LSAMP: variants seen among roughly 807,000 people sequenced by gnomAD.
LSAMP encodes the protein limbic system associated membrane protein, also known as limbic system-associated membrane protein.
A neutral mutation model predicts 38.6 loss-of-function variants in LSAMP; 7 were observed. The observed-to-expected ratio is 0.18, with a 90% confidence interval of 0.10 to 0.34. The LOEUF (loss-of-function observed/expected upper bound fraction) is 0.34. Ranked by LOEUF, LSAMP falls within the 10% of genes least tolerant of loss-of-function variation. LSAMP has a pLI of 1.00. For missense variants in LSAMP, 313 were observed against 420.0 expected (o/e 0.75, Z 2.23); for synonymous variants, 154 against 166.8 (o/e 0.92, Z 0.59).
At position 116,192,370 on chromosome 3, in the gene LSAMP, T is replaced by G. The variant is rs79287685; in HGVS notation, c.156-105814A>C. Among the ~76,000 whole-genome samples the G allele has an allele frequency of 5.2e-3, 790 of 152,352 alleles. 8 individuals carry two copies. Among genetic ancestry groups the G allele is most frequent in the African/African-American group, 0.018 (731 of 41,578 alleles). On this transcript the variant is annotated intron_variant, in intron 1 of 6. Coordinates refer to ENST00000490035, the MANE Select transcript of LSAMP (RefSeq NM_002338.5). ...ACCAGTTCTAAATCCTAGAGCTCCA[T>G]CTACTTCTTATTCTTTAATCACTTG...
intron 2 of LSAMP, among the ~76,000 whole-genome samples, chr3:116,048,930 G>A (rs1941341928): frequency 6.6e-6 from 1 of 152,088 alleles, no homozygotes; most frequent in Non-Finnish European, 1.5e-5. Context: ...AAAATAAAGA[G>A]GGCCAAGGAC....
chr3:115,968,177 G>A (rs769803526), intron 3 of LSAMP, among the ~76,000 whole-genome samples: 2 of 152,012 alleles, frequency 1.3e-5, no homozygotes, highest in Non-Finnish European at 2.9e-5. Flanking sequence ...AGCCTGCTTG[G>A]TGCTCTACTG....
chr3:116,030,248 A>C (rs1940888930), intron 2 of LSAMP, among the ~76,000 whole-genome samples: 1 of 152,168 alleles, frequency 6.6e-6, no homozygotes, highest in African/African-American at 2.4e-5. Context: ...TTATCCAGAC[A>C]CCAGCAAGTG....
At chr3:116,426,814 C>G (rs1167798064) in intron 1 of LSAMP, among the ~76,000 whole-genome samples, 3 of 151,320 alleles carry the variant, frequency 2.0e-5, no homozygotes, top group Admixed American at 6.6e-5. Context: ...TGAGGTTATA[C>G]GTAATGGTAA....
At chr3:116,156,834 T>C (rs1709761048) in intron 1 of LSAMP, among the ~76,000 whole-genome samples, 1 of 152,122 alleles carries the variant, frequency 6.6e-6, no homozygotes, top group Non-Finnish European at 1.5e-5. Flanking sequence ...TTGGTTGTCT[T>C]AAGTAGAAAA....
chr3:116,375,819 G>A (rs189885085), intron 1 of LSAMP, among the ~76,000 whole-genome samples: 1 of 151,972 alleles, frequency 6.6e-6, no homozygotes, highest in African/African-American at 2.4e-5. Flanking sequence ...TCTCTTTAGT[G>A]TTTTTAAGAT....
At position 115,972,892 on chromosome 3, in the gene LSAMP, T is replaced by C. The variant is rs114411388; in HGVS notation, c.514+46623A>G. On this transcript the variant is annotated intron_variant, in intron 3 of 6. Transcript: ENST00000490035. ...TTATTTTTATATATTATATATTATG[T>C]ATTATTTTGAATTATATATTATTAA... Among the ~76,000 whole-genome samples, 553 of 149,136 alleles carry C rather than the reference T, an allele frequency of 3.7e-3. 5 individuals are homozygous for C. The highest frequency in any genetic ancestry group is 0.013 in the African/African-American group (529 of 41,058).
intron 1 of LSAMP, among the ~76,000 whole-genome samples, chr3:116,103,850 G>C (rs1219402170): frequency 1.3e-5 from 2 of 151,616 alleles, no homozygotes; most frequent in South Asian, 4.2e-4. Flanking sequence ...AAATCCTACG[G>C]GTATTCAATA....
intron 1 of LSAMP, among the ~76,000 whole-genome samples, chr3:116,422,658 A>T (rs1435953920): frequency 6.6e-6 from 1 of 152,208 alleles, no homozygotes; most frequent in East Asian, 1.9e-4. Flanking sequence ...CTAAAACTAG[A>T]TTGTGATGAT....
intron 1 of LSAMP, among the ~76,000 whole-genome samples, chr3:116,129,036 T>C (rs1410820094): frequency 6.6e-6 from 1 of 152,330 alleles, no homozygotes; most frequent in East Asian, 1.9e-4. Flanking sequence ...GGTGGATTCA[T>C]AGATGTGCAT....
intron 1 of LSAMP, among the ~76,000 whole-genome samples, chr3:116,400,095 C>G (rs572494464): frequency 6.6e-6 from 1 of 152,304 alleles, no homozygotes; most frequent in Non-Finnish European, 1.5e-5. Flanking sequence ...ATACTTTCTA[C>G]AAATCTAAAA....
intron 3 of LSAMP, among the ~76,000 whole-genome samples, chr3:115,896,790 T>G (rs1358025146): frequency 6.6e-6 from 1 of 152,154 alleles, no homozygotes; most frequent in Non-Finnish European, 1.5e-5. Flanking sequence ...CACATTGTTA[T>G]CCTCAGTGAA....
chr3:116,420,695 AC>A (rs2049110206), intron 1 of LSAMP, among the ~76,000 whole-genome samples: 1 of 151,162 alleles, frequency 6.6e-6, no homozygotes, highest in Non-Finnish European at 1.5e-5. Flanking sequence ...ACATGGTGAA[AC>A]CCCATCTCTA....
At chr3:116,173,535 T>C (rs570765792) in intron 1 of LSAMP, among the ~76,000 whole-genome samples, 8 of 152,044 alleles carry the variant, frequency 5.3e-5, no homozygotes, top group Non-Finnish European at 1.2e-4. Flanking sequence ...CTGTTACCAC[T>C]TTCTTTATAG....
At chr3:116,156,351 G>A (rs1177493373) in intron 1 of LSAMP, among the ~76,000 whole-genome samples, 1 of 152,076 alleles carries the variant, frequency 6.6e-6, no homozygotes, top group East Asian at 1.9e-4. Context: ...TCTAATTTGG[G>A]GTGGGGTCAG....
At chr3:116,108,549 G>A (rs1396212352) in intron 1 of LSAMP, among the ~76,000 whole-genome samples, 4 of 152,138 alleles carry the variant, frequency 2.6e-5, no homozygotes, top group African/African-American at 7.2e-5. Flanking sequence ...GATGGTCTAC[G>A]GTGTTTCCGA....
intron 2 of LSAMP, among the ~76,000 whole-genome samples, chr3:116,063,402 T>C (rs997299947): frequency 6.6e-6 from 1 of 152,148 alleles, no homozygotes; most frequent in Non-Finnish European, 1.5e-5. Context: ...TCTCATCCAT[T>C]GTCAAAGGCA....
intron 1 of LSAMP, among the ~76,000 whole-genome samples, chr3:116,269,568 A>G (rs4147304): frequency 0.19 from 29,059 of 152,022 alleles, 2,995 homozygotes; most frequent in Admixed American, 0.23. Context: ...ATTCTGTTCT[A>G]TATTCAAGCT....
At chr3:115,972,407 GAAA>G (rs1177103249) in intron 3 of LSAMP, among the ~76,000 whole-genome samples, 1 of 151,756 alleles carries the variant, frequency 6.6e-6, no homozygotes, top group Non-Finnish European at 1.5e-5. Flanking sequence ...CTACGACTAA[GAAA>G]AAAGACATTT....
Sources: gnomAD v4.1 joint callset for allele counts (sites outside exome capture counted in the v4.1 genomes callset) on GRCh38, gnomAD v4.1.1 for gene constraint, MANE v1.5 for transcripts, NCBI Gene and HGNC (gene_info 2026-07-23, HGNC 2026-07-21) for gene names.